The following SFI1 variants were observed in gnomAD, a reference collection of about 807,000 sequenced individuals.
The protein encoded by SFI1 is protein SFI1 homolog.
A neutral mutation model predicts 207.5 loss-of-function variants in SFI1; 195 were observed. The observed-to-expected ratio is 0.94, with a 90% CI of 0.84 to 1.06. SFI1 has a LOEUF of 1.06. SFI1 is among the 50% of genes least tolerant of loss of function. The pLI, the probability that SFI1 is intolerant of heterozygous loss-of-function variation, is 0.00. For synonymous variants in SFI1, 630 were observed against 598.9 expected, an observed-to-expected ratio of 1.05 and a Z score of -0.76; for missense variants, 1,634 against 1,588.0, an observed-to-expected ratio of 1.03 and a Z score of -0.49.
In SFI1 at chr22:31,618,105, C is replaced by T. The variant is rs1404301473; in HGVS notation, c.3513-10C>T. 5 of 1,561,090 alleles carry T rather than the reference C, an allele frequency of 3.2e-6. No individual in the cohort carries two copies. The highest frequency in any genetic ancestry group is 1.3e-5 in the African/African-American group (1 of 74,106). On this transcript the variant is annotated splice_polypyrimidine_tract_variant and intron_variant, in intron 31 of 32. Coordinates refer to ENST00000400288, the MANE Select transcript of SFI1 (RefSeq NM_001007467.3). ...CAGCCTGGCAGGCAGTGGGTATCTC[C>T]ACCCCTCAGGTCCTGTCGGCGGCAA...
intron 1 of SFI1, among the ~76,000 whole-genome samples, chr22:31,505,369 G>C (rs1047222391): frequency 2.6e-5 from 4 of 152,040 alleles, no homozygotes; most frequent in Admixed American, 2.6e-4. Flanking sequence ...AACCCGGGAA[G>C]TGGAGGTTGC....
At chr22:31,565,174 T>C (rs1483828040) in intron 8 of SFI1, among the ~76,000 whole-genome samples, 1 of 152,016 alleles carries the variant, frequency 6.6e-6, no homozygotes, top group African/African-American at 2.4e-5. Flanking sequence ...AGCTTTACCC[T>C]CCCTCCGTCC....
At chr22:31,592,991 C>T (rs1464344606) in intron 15 of SFI1, among the ~76,000 whole-genome samples, 2 of 126,372 alleles carry the variant, frequency 1.6e-5, no homozygotes, top group Non-Finnish European at 3.4e-5. Flanking sequence ...GGGGCTGACC[C>T]CCCCACCTCC....
intron 22 of SFI1, 73 bp downstream of exon 22, chr22:31,608,106 C>T (rs2069373445): frequency 6.5e-6 from 8 of 1,229,312 alleles, no homozygotes; most frequent in Middle Eastern, 1.9e-4. Context: ...CCCTGTGGCC[C>T]GCATAAGTCT....
At chr22:31,583,844 ACATTTC>A (rs2064669507) in intron 12 of SFI1, 25 bp from the exon 13 acceptor site, 10 of 1,583,280 alleles carry the variant, frequency 6.3e-6, no homozygotes, top group Non-Finnish European at 8.7e-6. Context: ...TCATCTCAGT[ACATTTC>A]CATCTTCTTC....
intron 5 of SFI1, among the ~76,000 whole-genome samples, chr22:31,547,612 G>T (rs1277721877): frequency 7.3e-6 from 1 of 137,428 alleles, no homozygotes; most frequent in Non-Finnish European, 1.6e-5. Context: ...CGCCAGGCCT[G>T]TTTTTTTTGT....
At chr22:31,545,360 C>T (rs1373217784) in intron 4 of SFI1, among the ~76,000 whole-genome samples, 2 of 149,680 alleles carry the variant, frequency 1.3e-5, no homozygotes, top group East Asian at 2.0e-4. Flanking sequence ...AGCAAAACTC[C>T]GTCTCAAAAA....
intron 6 of SFI1, 138 bp downstream of exon 6, chr22:31,550,486 T>G: frequency 1.5e-6 from 1 of 674,678 alleles, no homozygotes; most frequent in Admixed American, 2.8e-5. Context: ...TTTCATATTT[T>G]TCAGAAAGTG....
chr22:31,611,217 A>G lies in SFI1; in HGVS notation c.2329A>G (p.Arg777Gly). The G allele has an allele frequency of 6.2e-7, 1 of 1,613,898 alleles. No homozygotes were observed. Among genetic ancestry groups the G allele is most frequent in the Non-Finnish European group, 8.5e-7 (1 of 1,180,004 alleles). The change falls in exon 23 of 33, where the codon AGG (arginine) becomes GGG (glycine). Residue 777 changes from arginine to glycine, a missense_variant. Arg to Gly is a moderately radical substitution (Grantham distance 125). Transcript: ENST00000400288. ...AGCCCAGCAGAGACTGCAGCTGGAG[A>G]GGGCAGTGCAACACCACCACCGGCA... ...RSAQQRLQLE[R>G]AVQHHHRQLL...
chr22:31,538,076 A>C (rs1416734883), intron 4 of SFI1, among the ~76,000 whole-genome samples: 1 of 152,038 alleles, frequency 6.6e-6, no homozygotes, highest in African/African-American at 2.4e-5. Flanking sequence ...GGTTCAAGCA[A>C]TTCTCCTGCC....
At chr22:31,590,986 T>TATTTATTG (rs1461836146) in intron 15 of SFI1, among the ~76,000 whole-genome samples, 14 of 151,036 alleles carry the variant, frequency 9.3e-5, no homozygotes, top group African/African-American at 3.2e-4. Flanking sequence ...TTTATTTTTT[T>TATTTATTG]ATTGATAATT....
intron 8 of SFI1, among the ~76,000 whole-genome samples, chr22:31,570,644 T>C (rs1341486968): frequency 6.6e-6 from 1 of 152,046 alleles, no homozygotes; most frequent in East Asian, 1.9e-4. Context: ...CTCATGCCTG[T>C]AAATCCCAAC....
At chr22:31,570,122 C>CAATAAATA (rs59801672) in intron 8 of SFI1, among the ~76,000 whole-genome samples, 1,864 of 146,782 alleles carry the variant, frequency 0.013, 20 homozygotes, top group East Asian at 0.04. Context: ...GAGACTCTGT[C>CAATAAATA]AATAAATAAA....
intron 15 of SFI1, among the ~76,000 whole-genome samples, chr22:31,594,854 C>CAA (rs67157514): frequency 0.032 from 2,384 of 74,052 alleles, 132 homozygotes; most frequent in African/African-American, 0.081. Context: ...GACTCTGTCT[C>CAA]AAAAAAAAAA....
chr22:31,497,055 C>G (rs2052794726), intron 1 of SFI1, among the ~76,000 whole-genome samples: 1 of 152,362 alleles, frequency 6.6e-6, no homozygotes, highest in Admixed American at 6.5e-5. Context: ...GGCGACCTTA[C>G]TCCCACTGAG....
chr22:31,559,017 G>A (rs1241525940), intron 7 of SFI1, among the ~76,000 whole-genome samples: 1 of 151,836 alleles, frequency 6.6e-6, no homozygotes, highest in Non-Finnish European at 1.5e-5. Flanking sequence ...ACATTGGCCA[G>A]GCTGGTCTTG....
intron 7 of SFI1, among the ~76,000 whole-genome samples, chr22:31,557,770 T>C (rs1008691687): frequency 2.0e-5 from 3 of 152,180 alleles, no homozygotes; most frequent in Admixed American, 6.6e-5. Flanking sequence ...CAGGTTGTAA[T>C]TGGCAAAACT....
rs550807745 is a variant in SFI1 at position 31,607,285 on chromosome 22, G to A, written c.2158-652G>A. Among the ~76,000 whole-genome samples the A allele has an allele frequency of 3.3e-5, 5 of 152,168 alleles. No individual in the cohort carries two copies. The East Asian group carries it at 9.7e-4, about 29-fold the overall frequency. The stretch of plus-strand genomic sequence containing the variant: ...ATCACTCATACAAAAGAATGTATAC[G>A]ACGTAGGTGTGTTCCATTTACTAAA... On this transcript the variant is annotated intron_variant, in intron 21 of 32. Coordinates refer to ENST00000400288, the MANE Select transcript of SFI1 (RefSeq NM_001007467.3).
intron 8 of SFI1, among the ~76,000 whole-genome samples, chr22:31,570,125 TA>T (rs1216517692): frequency 7.9e-6 from 1 of 126,566 alleles, no homozygotes; most frequent in Non-Finnish European, 1.7e-5. Flanking sequence ...ACTCTGTCAA[TA>T]AATAAATAAA....
Sources: gnomAD v4.1 joint callset for allele counts (sites outside exome capture counted in the v4.1 genomes callset) on GRCh38, gnomAD v4.1.1 for gene constraint, MANE v1.5 for transcripts, NCBI Gene and HGNC (gene_info 2026-07-23, HGNC 2026-07-21) for gene names.